Variants in ZBTB20 observed in about 807,000 individuals in gnomAD.
ZBTB20 encodes zinc finger and BTB domain-containing protein 20.
ZBTB20 carries 9 observed loss-of-function variants against 56.9 expected under a neutral mutation model. That is an observed-to-expected ratio of 0.16 (90% CI 0.10 to 0.28). The LOEUF is 0.28. Among genes scored for constraint, ZBTB20 ranks in the 10% least tolerant of loss-of-function variants. The pLI is 1.00. For synonymous variants in ZBTB20, 417 were observed against 420.7 expected, an observed-to-expected ratio of 0.99 and a Z score of 0.11; for missense variants, 655 against 1,003.0, an observed-to-expected ratio of 0.65 and a Z score of 4.69.
At chr3:115,139,037 C>A (rs1411293244) in intron 1 of ZBTB20, among the ~76,000 whole-genome samples, 2 of 152,008 alleles carry the variant, frequency 1.3e-5, no homozygotes, top group African/African-American at 4.8e-5. Context: ...TTGGGTCCAA[C>A]AATTGATCTA....
At chr3:114,340,812 T>C (rs1266679774) in intron 11 of ZBTB20, among the ~76,000 whole-genome samples, 1 of 152,234 alleles carries the variant, frequency 6.6e-6, no homozygotes, top group Non-Finnish European at 1.5e-5. Flanking sequence ...ATTTGGACTA[T>C]GCATCAAGGT....
At chr3:114,817,192 TACAC>T (rs56294507) in intron 4 of ZBTB20, among the ~76,000 whole-genome samples, 68,322 of 145,634 alleles carry the variant, frequency 0.47, 17,879 homozygotes, top group Non-Finnish European at 0.59. Context: ...ATACAACTTA[TACAC>T]ACACACACAC....
At chr3:114,477,413 G>C (rs2040912179) in intron 7 of ZBTB20, among the ~76,000 whole-genome samples, 2 of 151,934 alleles carry the variant, frequency 1.3e-5, no homozygotes, top group Admixed American at 6.6e-5. Flanking sequence ...AAAGGACACA[G>C]GGTCTGTTTT....
rs1376040015 is a variant in ZBTB20 at position 114,319,092 on chromosome 3, A to G, written c.*19913T>C. On this transcript the variant is annotated 3_prime_UTR_variant, in exon 12 of 12. Transcript: ENST00000675478. ...CTTTTAACACGCATCTTGAATCAGT[A>G]ATTTTTTTTTAACCTCAAAACTGCA... The G allele has an allele frequency of 6.6e-6, 1 of 152,114 alleles. No homozygotes were observed. The highest frequency in any genetic ancestry group is 2.4e-5 in the African/African-American group (1 of 41,438). 9.4% of individuals were successfully genotyped at this position (152,114 alleles called of 1,614,324 possible).
intron 5 of ZBTB20, among the ~76,000 whole-genome samples, chr3:114,748,352 TTC>T (rs71146332): frequency 0.012 from 588 of 48,642 alleles, 12 homozygotes; most frequent in African/African-American, 0.032. Context: ...TTTCTTTCTT[TTC>T]TCTCTCTCTC....
intron 4 of ZBTB20, among the ~76,000 whole-genome samples, chr3:114,884,067 A>C (rs2076508381): frequency 6.8e-6 from 1 of 147,730 alleles, no homozygotes; most frequent in Non-Finnish European, 1.5e-5. Context: ...CTGGGACTAC[A>C]GGCGCCCGCC....
intron 6 of ZBTB20, among the ~76,000 whole-genome samples, chr3:114,662,045 C>T (rs200690785): frequency 8.9e-6 from 1 of 112,280 alleles, no homozygotes; most frequent in African/African-American, 3.3e-5. Flanking sequence ...CCAATGCTAT[C>T]CCTCCCCCCT....
At chr3:114,654,201 A>T (rs971434297) in intron 6 of ZBTB20, among the ~76,000 whole-genome samples, 1 of 151,802 alleles carries the variant, frequency 6.6e-6, no homozygotes, top group Non-Finnish European at 1.5e-5. Flanking sequence ...TACGCTATTG[A>T]TCTTAAACCT....
At chr3:114,447,506 T>C (rs572010508) in intron 7 of ZBTB20, among the ~76,000 whole-genome samples, 13 of 152,316 alleles carry the variant, frequency 8.5e-5, no homozygotes, top group African/African-American at 2.9e-4. Context: ...GAAATTTAGA[T>C]AGGTAAACTC....
At chr3:114,343,306 T>C (rs1362571126) in intron 11 of ZBTB20, among the ~76,000 whole-genome samples, 1 of 152,182 alleles carries the variant, frequency 6.6e-6, no homozygotes, top group Non-Finnish European at 1.5e-5. Flanking sequence ...ACCCACTTAT[T>C]CTACTGATTT....
chr3:114,538,949 T>C (rs1486272079), intron 6 of ZBTB20, among the ~76,000 whole-genome samples: 2 of 152,170 alleles, frequency 1.3e-5, no homozygotes, highest in Admixed American at 6.6e-5. Context: ...TTCTCATTGA[T>C]TGTTGTCCCT....
At chr3:114,771,271 C>T (rs1319498305) in intron 5 of ZBTB20, among the ~76,000 whole-genome samples, 1 of 152,074 alleles carries the variant, frequency 6.6e-6, no homozygotes, top group Admixed American at 6.5e-5. Context: ...GTAGAACATA[C>T]TTTGAGAAAA....
At position 114,693,583 on chromosome 3, in the gene ZBTB20, A is replaced by T. The variant is rs1379084828; in HGVS notation, c.-342-8T>A. 1 of 152,160 alleles carries T rather than the reference A, an allele frequency of 6.6e-6. No individual in the cohort carries two copies. Among genetic ancestry groups the T allele is most frequent in the African/African-American group, 2.4e-5 (1 of 41,454 alleles). 9.4% of individuals were successfully genotyped at this position (152,160 alleles called of 1,614,324 possible). A position where few individuals can be genotyped will look rare whatever the true frequency, so the allele number is the denominator to read the frequency against. ...TAGTAATGATGAAACATTCTGAAAT[A>T]AAAAGAGTACAGGTAAGTGCTAGGT... On this transcript the variant is annotated splice_polypyrimidine_tract_variant and splice_region_variant and intron_variant, in intron 5 of 11. Transcript: ENST00000675478.
chr3:114,585,469 C>T (rs576104218), intron 6 of ZBTB20, among the ~76,000 whole-genome samples: 3 of 152,238 alleles, frequency 2.0e-5, no homozygotes, highest in East Asian at 1.9e-4. Flanking sequence ...CATACACAGC[C>T]GTATGTGCAC....
chr3:114,358,764 G>T (rs186035116), intron 10 of ZBTB20, among the ~76,000 whole-genome samples: 99 of 152,264 alleles, frequency 6.5e-4, no homozygotes, highest in African/African-American at 2.4e-3. Context: ...GGAACCATAA[G>T]GATACAAAGG....
intron 2 of ZBTB20, among the ~76,000 whole-genome samples, chr3:115,005,531 C>T (rs1393961482): frequency 2.6e-5 from 4 of 151,736 alleles, no homozygotes; most frequent in Non-Finnish European, 5.9e-5. Flanking sequence ...CTGCATCCTA[C>T]CTTATGTCAG....
intron 7 of ZBTB20, among the ~76,000 whole-genome samples, chr3:114,452,182 A>G (rs1441874221): frequency 6.6e-6 from 1 of 152,198 alleles, no homozygotes; most frequent in African/African-American, 2.4e-5. Context: ...GCAAAAAGGA[A>G]AAAAGCAAAA....
At chr3:114,893,117 G>C (rs1031545165) in intron 4 of ZBTB20, among the ~76,000 whole-genome samples, 2 of 152,134 alleles carry the variant, frequency 1.3e-5, no homozygotes, top group African/African-American at 4.8e-5. Context: ...AAGGGGCCAA[G>C]CAGCTGGGAA....
intron 6 of ZBTB20, among the ~76,000 whole-genome samples, chr3:114,513,920 A>C: frequency 7.8e-6 from 1 of 127,696 alleles, no homozygotes; most frequent in South Asian, 2.4e-4. Context: ...ACAGGGAGAC[A>C]AAAAAAAAAA....
Sources: allele counts gnomAD v4.1 joint callset (sites outside exome capture counted in the v4.1 genomes callset), GRCh38; gene constraint gnomAD v4.1.1; transcripts MANE v1.5; gene names NCBI Gene and HGNC (gene_info 2026-07-23, HGNC 2026-07-21).